The following NLGN1 variants were observed in gnomAD, a reference collection of about 807,000 sequenced individuals.
NLGN1 encodes neuroligin 1, also known as neuroligin-1.
In NLGN1, 12 loss-of-function variants were observed where a neutral mutation model predicts 65.5. The observed-to-expected ratio is 0.18, with a 90% CI of 0.12 to 0.30. The LOEUF (loss-of-function observed/expected upper bound fraction) is 0.30, where lower values mean the gene tolerates loss of function less well. Among genes scored for constraint, NLGN1 ranks in the 10% least tolerant of loss-of-function variants. The pLI is 1.00. For missense variants in NLGN1, 750 were observed against 1,007.1 expected (o/e 0.74, Z 3.46); for synonymous variants, 350 against 359.5 (o/e 0.97, Z 0.30).
intron 3 of NLGN1, among the ~76,000 whole-genome samples, chr3:173,648,993 AC>A (rs1758717876): frequency 6.6e-6 from 1 of 152,198 alleles, no homozygotes; most frequent in African/African-American, 2.4e-5. Context: ...TTAGTATGAA[AC>A]CCAAAACAAC....
intron 4 of NLGN1, among the ~76,000 whole-genome samples, chr3:173,899,236 G>T (rs1045133407): frequency 2.0e-5 from 3 of 152,036 alleles, no homozygotes; most frequent in African/African-American, 4.8e-5. Context: ...CCTAAAATGG[G>T]ATCTTAGATA....
chr3:173,677,413 C>T (rs1260933417), intron 3 of NLGN1, among the ~76,000 whole-genome samples: 1 of 152,002 alleles, frequency 6.6e-6, no homozygotes, highest in Non-Finnish European at 1.5e-5. Context: ...CCTTTGTCTG[C>T]TTCCATTGCT....
At chr3:174,211,207 G>C (rs1036869238) in intron 4 of NLGN1, among the ~76,000 whole-genome samples, 1 of 152,220 alleles carries the variant, frequency 6.6e-6, no homozygotes, top group South Asian at 2.1e-4. Context: ...AGCTTCCGCA[G>C]TGTGGAAGGG....
chr3:173,452,007 C>T (rs367922384), intron 2 of NLGN1, among the ~76,000 whole-genome samples: 7 of 152,326 alleles, frequency 4.6e-5, no homozygotes, highest in Admixed American at 1.3e-4. Flanking sequence ...TTGTGCTTCC[C>T]GGGTGAGGCG....
chr3:173,699,813 C>T (rs1467365984), intron 3 of NLGN1, among the ~76,000 whole-genome samples: 1 of 152,160 alleles, frequency 6.6e-6, no homozygotes, highest in Admixed American at 6.5e-5. Context: ...CTGTAAAATA[C>T]CTCACAAATA....
At chr3:173,445,461 C>T (rs1231644414) in intron 2 of NLGN1, among the ~76,000 whole-genome samples, 1 of 152,152 alleles carries the variant, frequency 6.6e-6, no homozygotes, top group Non-Finnish European at 1.5e-5. Flanking sequence ...TTTCAATTTA[C>T]AGAAGCAAAA....
chr3:173,636,356 G>A (rs1361353344), intron 3 of NLGN1, among the ~76,000 whole-genome samples: 1 of 152,132 alleles, frequency 6.6e-6, no homozygotes, highest in Non-Finnish European at 1.5e-5. Flanking sequence ...TAATTAAGCA[G>A]TGAGGTGGTT....
intron 3 of NLGN1, among the ~76,000 whole-genome samples, chr3:173,628,542 G>A (rs1206683154): frequency 4.0e-5 from 6 of 151,736 alleles, no homozygotes; most frequent in Non-Finnish European, 7.4e-5. Flanking sequence ...GTTAAACATT[G>A]TTAGTTACTG....
intron 4 of NLGN1, among the ~76,000 whole-genome samples, chr3:174,185,819 A>G: frequency 6.6e-6 from 1 of 152,156 alleles, no homozygotes; most frequent in East Asian, 1.9e-4. Context: ...AAAAAAAACA[A>G]AAACAAAAAA....
chr3:173,776,566 C>T (rs1412407184), intron 3 of NLGN1, among the ~76,000 whole-genome samples: 3 of 151,986 alleles, frequency 2.0e-5, no homozygotes. Flanking sequence ...GTGGGAAACT[C>T]GATTTAATTA....
chr3:174,259,395 C>T (rs942416113), intron 4 of NLGN1, among the ~76,000 whole-genome samples: 2 of 151,994 alleles, frequency 1.3e-5, no homozygotes, highest in African/African-American at 4.8e-5. Flanking sequence ...CTCTCTCCCT[C>T]ATTCTCCCTC....
intron 1 of NLGN1, among the ~76,000 whole-genome samples, chr3:173,427,540 A>T (rs191074271): frequency 2.0e-5 from 3 of 151,770 alleles, no homozygotes; most frequent in Admixed American, 1.3e-4. Flanking sequence ...AGGAATTTCA[A>T]AATTTTCTTT....
intron 4 of NLGN1, among the ~76,000 whole-genome samples, chr3:173,885,290 G>A (rs1734123934): frequency 6.6e-6 from 1 of 151,816 alleles, no homozygotes; most frequent in African/African-American, 2.4e-5. Context: ...CATATACAGT[G>A]TGCTGTTATT....
intron 2 of NLGN1, among the ~76,000 whole-genome samples, chr3:173,537,911 C>T (rs1737725782): frequency 6.6e-6 from 1 of 152,144 alleles, no homozygotes; most frequent in Non-Finnish European, 1.5e-5. Flanking sequence ...ACAACTAGCA[C>T]AGTAACTCCC....
chr3:173,459,441 T>C (rs942733550), intron 2 of NLGN1, among the ~76,000 whole-genome samples: 5 of 152,128 alleles, frequency 3.3e-5, no homozygotes, highest in African/African-American at 1.2e-4. Context: ...TTTTAACTAA[T>C]GCATAAACTC....
At chr3:173,604,829 T>A in exon 3 of NLGN1, 1 of 1,613,752 alleles carries the variant, frequency 6.2e-7, no homozygotes, top group Non-Finnish European at 8.5e-7. Flanking sequence ...TGGGGCCTGT[T>A]ATTCAATTTC....
intron 3 of NLGN1, among the ~76,000 whole-genome samples, chr3:173,773,188 A>G (rs1294925189): frequency 6.6e-6 from 1 of 152,130 alleles, no homozygotes; most frequent in African/African-American, 2.4e-5. Context: ...AGTCACACAT[A>G]TCAAGCTATC....
chr3:173,496,171 G>C (rs1213775472), intron 2 of NLGN1, among the ~76,000 whole-genome samples: 4 of 151,554 alleles, frequency 2.6e-5, no homozygotes, highest in Non-Finnish European at 5.9e-5. Flanking sequence ...TTTGAGACTA[G>C]AGACCATGTC....
At chr3:174,273,646 A>C (rs1433387533) in intron 4 of NLGN1, among the ~76,000 whole-genome samples, 1 of 151,840 alleles carries the variant, frequency 6.6e-6, no homozygotes, top group East Asian at 1.9e-4. Flanking sequence ...TATGACCAGA[A>C]AAATTTGTTT....
Sources: gnomAD v4.1 joint callset for allele counts (sites outside exome capture counted in the v4.1 genomes callset) on GRCh38, gnomAD v4.1.1 for gene constraint, MANE v1.5 for transcripts, NCBI Gene and HGNC (gene_info 2026-07-23, HGNC 2026-07-21) for gene names.